Variants in GREB1L observed in about 807,000 individuals in gnomAD.
GREB1L encodes GREB1-like protein.
Under a neutral mutation model 200.8 loss-of-function variants are expected in GREB1L, and 17 were observed. The ratio of observed to expected loss-of-function variants is 0.08; its 90% CI spans 0.06 to 0.13. GREB1L has a LOEUF of 0.13. Among genes scored for constraint, GREB1L ranks in the 10% least tolerant of loss-of-function variants. The pLI is 1.00. For missense variants in GREB1L, 1,657 were observed against 2,367.7 expected, an observed-to-expected ratio of 0.70 and a Z score of 6.23; for synonymous variants, 789 against 893.0, an observed-to-expected ratio of 0.88 and a Z score of 2.08.
At chr18:21,346,821 C>G (rs1481281379) in intron 1 of GREB1L, among the ~76,000 whole-genome samples, 3 of 152,220 alleles carry the variant, frequency 2.0e-5, no homozygotes, top group Non-Finnish European at 2.9e-5. Flanking sequence ...TCCTTGTTCT[C>G]TCTCTCTTCT....
chr18:21,514,120 C>A, intron 28 of GREB1L, 134 bp downstream of exon 28: 1 of 736,808 alleles, frequency 1.4e-6, no homozygotes. Flanking sequence ...TGAGACCACC[C>A]TCACTAGAAC....
At chr18:21,246,499 C>G (rs944669187) in intron 1 of GREB1L, among the ~76,000 whole-genome samples, 1 of 151,974 alleles carries the variant, frequency 6.6e-6, no homozygotes, top group Admixed American at 6.6e-5. Flanking sequence ...TTTCTTTAGT[C>G]TTATACAAAG....
chr18:21,249,364 G>T, intron 1 of GREB1L, among the ~76,000 whole-genome samples: 1 of 152,086 alleles, frequency 6.6e-6, no homozygotes, highest in East Asian at 1.9e-4. Context: ...AAAATCTCAG[G>T]CCCCATCCCG....
intron 7 of GREB1L, among the ~76,000 whole-genome samples, chr18:21,411,863 G>C (rs1429314772): frequency 6.6e-6 from 1 of 151,316 alleles, no homozygotes; most frequent in African/African-American, 2.4e-5. Flanking sequence ...GGCTAACACG[G>C]TGAAACCCCG....
intron 1 of GREB1L, among the ~76,000 whole-genome samples, chr18:21,284,249 A>G (rs2038318452): frequency 6.6e-6 from 1 of 152,336 alleles, no homozygotes; most frequent in Non-Finnish European, 1.5e-5. Flanking sequence ...ATAATTACAG[A>G]GTTGCACAAC....
chr18:21,273,243 CA>C (rs549297268), intron 1 of GREB1L, among the ~76,000 whole-genome samples: 38 of 152,130 alleles, frequency 2.5e-4, no homozygotes, highest in South Asian at 6.2e-4. Flanking sequence ...AAACAAAAAA[CA>C]AAAGTTTGTA....
rs1220042049 is a variant in GREB1L, at chr18:21,465,592, TA to T, written c.2183-7438del. ...AACTGATTAATCTAATTGAAGAGTA[TA>T]CAGGTATTTATGACACTAGTCTTTC... On this transcript the variant is annotated intron_variant, in intron 15 of 32. Coordinates refer to ENST00000424526, the MANE Select transcript of GREB1L (RefSeq NM_001142966.3). Among the ~76,000 whole-genome samples, 8 of 152,284 alleles carry T rather than the reference TA, an allele frequency of 5.3e-5. No homozygotes were observed. The East Asian group carries it at 1.3e-3, about 26-fold the overall frequency.
At chr18:21,263,505 G>T (rs1431248979) in intron 1 of GREB1L, among the ~76,000 whole-genome samples, 2 of 152,036 alleles carry the variant, frequency 1.3e-5, no homozygotes, top group Non-Finnish European at 2.9e-5. Context: ...TGTGATTTTT[G>T]ATAAATCTTT....
chr18:21,384,333 G>C lies in GREB1L; in HGVS notation c.285G>C (p.Met95Ile). The change falls in exon 4 of 33, where the codon ATG becomes ATC. Residue 95 changes from methionine to isoleucine, a missense_variant. Physicochemically the swap from Met to Ile is conservative, Grantham distance 10. Around this residue, in one of 9 missense-constraint regions of GREB1L, gnomAD observed 121 missense variants for 126.6 expected, o/e 0.96. Coordinates refer to ENST00000424526, the MANE Select transcript of GREB1L (RefSeq NM_001142966.3). ...AAGATGATGAAGACGATGAAGAAAT[G>C]TCTGATTCAAACAGCCCACCAATTC... ...EMEDDEDDEE[M>I]SDSNSPPIPY... is the part of the protein sequence containing the mutation. The C allele has an allele frequency of 1.9e-6, 3 of 1,551,868 alleles. No homozygotes were observed. The highest frequency in any genetic ancestry group is 2.6e-6 in the Non-Finnish European group (3 of 1,146,976).
chr18:21,327,803 C>G (rs1403080694), intron 1 of GREB1L, among the ~76,000 whole-genome samples: 2 of 151,942 alleles, frequency 1.3e-5, no homozygotes, highest in African/African-American at 4.8e-5. Flanking sequence ...AGCTCTGCCT[C>G]CCGGGTTCAC....
intron 1 of GREB1L, among the ~76,000 whole-genome samples, chr18:21,355,193 A>AT (rs113751730): frequency 0.046 from 6,476 of 139,388 alleles, 189 homozygotes; most frequent in Non-Finnish European, 0.064. Flanking sequence ...CTTTTGTTAA[A>AT]TTTTTTTTTT....
intron 1 of GREB1L, among the ~76,000 whole-genome samples, chr18:21,336,063 G>C (rs190500919): frequency 5.3e-4 from 80 of 152,160 alleles, no homozygotes; most frequent in African/African-American, 1.9e-3. Flanking sequence ...TTCTATCTTG[G>C]TCTCCTCTGT....
At chr18:21,335,297 A>G (rs765178311) in intron 1 of GREB1L, among the ~76,000 whole-genome samples, 4 of 152,168 alleles carry the variant, frequency 2.6e-5, no homozygotes, top group Non-Finnish European at 5.9e-5. Context: ...AATACCCATG[A>G]TTGTTTTGTG....
chr18:21,441,609 T>C, intron 10 of GREB1L, 72 bp downstream of exon 10: 3 of 1,328,490 alleles, frequency 2.3e-6, no homozygotes, highest in Admixed American at 2.4e-5. Flanking sequence ...CATTGTGTTT[T>C]TTCATGTATT....
At chr18:21,260,002 A>G (rs1198786916) in intron 1 of GREB1L, among the ~76,000 whole-genome samples, 1 of 151,920 alleles carries the variant, frequency 6.6e-6, no homozygotes, top group African/African-American at 2.4e-5. Flanking sequence ...AAGGCATGAG[A>G]AATTATCATT....
chr18:21,377,415 G>A (rs1220735271), intron 2 of GREB1L, among the ~76,000 whole-genome samples: 2 of 152,098 alleles, frequency 1.3e-5, no homozygotes, highest in Admixed American at 6.5e-5. Context: ...TTTCCTTTTT[G>A]TGAAAGGTTT....
At position 21,445,479 on chromosome 18, in the gene GREB1L, AAAAAG is replaced by A. The variant is rs556021180; in HGVS notation, c.1393+1090_1393+1094del. 1.5e-3 allele frequency among the ~76,000 whole-genome samples: 236 copies of A among 152,296 alleles called. 4 individuals carry two copies. Among genetic ancestry groups the A allele is most frequent in the Admixed American group, 0.012 (180 of 15,292 alleles). On this transcript the variant is annotated intron_variant, in intron 11 of 32. Transcript: ENST00000424526. ...ACAAGAGTGAAACTCCATCTCAAAA[AAAAAG>A]AAAAGAAAAGAAAAGAAAAAAATAT...
intron 7 of GREB1L, among the ~76,000 whole-genome samples, chr18:21,438,678 G>T (rs2033695266): frequency 6.7e-6 from 1 of 150,306 alleles, no homozygotes; most frequent in African/African-American, 2.5e-5. Context: ...AAAAAAAAAG[G>T]CCTGGCACGG....
intron 7 of GREB1L, among the ~76,000 whole-genome samples, chr18:21,429,971 CCT>C (rs2033010279): frequency 6.6e-6 from 1 of 152,102 alleles, no homozygotes; most frequent in Non-Finnish European, 1.5e-5. Context: ...TCTGCTGAGG[CCT>C]CTCTCCTTGA....
Sources: gnomAD v4.1 joint callset for allele counts (sites outside exome capture counted in the v4.1 genomes callset) on GRCh38, gnomAD v4.1.1 for gene constraint, gnomAD v4.1.1 regional missense constraint, MANE v1.5 for transcripts, NCBI Gene and HGNC (gene_info 2026-07-23, HGNC 2026-07-21) for gene names.